CDIN1: variants seen among roughly 807,000 people sequenced by gnomAD.
The protein encoded by CDIN1 is CDAN1-interacting nuclease 1.
Under a neutral mutation model 45.3 loss-of-function variants are expected in CDIN1, and 33 were observed. The observed-to-expected ratio is 0.73, with a 90% CI of 0.55 to 0.97. The LOEUF (loss-of-function observed/expected upper bound fraction) is 0.97. CDIN1 is among the 50% of genes least tolerant of loss of function. CDIN1 has a pLI of 0.00. For synonymous variants in CDIN1, 118 were observed against 124.4 expected, an observed-to-expected ratio of 0.95 and a Z score of 0.34; for missense variants, 303 against 339.4, an observed-to-expected ratio of 0.89 and a Z score of 0.84.
At chr15:36,716,243 A>G (rs7179438) in intron 10 of CDIN1, among the ~76,000 whole-genome samples, 151,504 of 152,252 alleles carry the variant, frequency 1, 75,384 homozygotes, top group Middle Eastern at 1. Flanking sequence ...TTGTTGAGAG[A>G]ATGACTTCGT....
chr15:36,768,918 T>A (rs966925858), intron 10 of CDIN1, among the ~76,000 whole-genome samples: 1 of 152,168 alleles, frequency 6.6e-6, no homozygotes, highest in Non-Finnish European at 1.5e-5. Flanking sequence ...AAAGACCCAG[T>A]TGTCATTTGT....
intron 5 of CDIN1, among the ~76,000 whole-genome samples, chr15:36,679,354 C>T (rs902898505): frequency 6.6e-6 from 1 of 152,194 alleles, no homozygotes; most frequent in Non-Finnish European, 1.5e-5. Flanking sequence ...AGCCCAAGTT[C>T]ATAACAGTGT....
chr15:36,743,837 C>A (rs1007041719), intron 10 of CDIN1, among the ~76,000 whole-genome samples: 8 of 151,834 alleles, frequency 5.3e-5, no homozygotes, highest in African/African-American at 1.7e-4. Flanking sequence ...TGCAGTAAAT[C>A]ATGATCATGC....
At chr15:36,605,699 C>T (rs2038331425) in intron 1 of CDIN1, among the ~76,000 whole-genome samples, 1 of 152,148 alleles carries the variant, frequency 6.6e-6, no homozygotes, top group Admixed American at 6.5e-5. Context: ...ACAGGTGCAG[C>T]TGTGTATACT....
chr15:36,738,511 A>T (rs1319122420), intron 10 of CDIN1, among the ~76,000 whole-genome samples: 2 of 151,780 alleles, frequency 1.3e-5, no homozygotes, highest in Non-Finnish European at 2.9e-5. Flanking sequence ...TTCTGACCTC[A>T]TCTCCTACCA....
intron 10 of CDIN1, among the ~76,000 whole-genome samples, chr15:36,710,186 T>C (rs1220359948): frequency 6.6e-6 from 1 of 152,194 alleles, no homozygotes; most frequent in Admixed American, 6.5e-5. Context: ...AATTAGTATA[T>C]ATTCCATTTT....
At chr15:36,692,862 T>C (rs1026978408) in intron 7 of CDIN1, among the ~76,000 whole-genome samples, 3 of 152,212 alleles carry the variant, frequency 2.0e-5, no homozygotes, top group African/African-American at 7.2e-5. Context: ...AGGACATTAT[T>C]AATCAATAAA....
chr15:36,678,824 C>A (rs916595300), intron 5 of CDIN1, among the ~76,000 whole-genome samples: 1 of 152,344 alleles, frequency 6.6e-6, no homozygotes, highest in Admixed American at 6.5e-5. Context: ...CTTTCGGGAT[C>A]TTGAGAGCGC....
At chr15:36,802,944 CT>C (rs2055098588) in intron 10 of CDIN1, among the ~76,000 whole-genome samples, 1 of 151,980 alleles carries the variant, frequency 6.6e-6, no homozygotes, top group Admixed American at 6.6e-5. Flanking sequence ...CTTTCACTGC[CT>C]TTTTTAAAAC....
chr15:36,776,516 G>A (rs1254323662), intron 10 of CDIN1, among the ~76,000 whole-genome samples: 1 of 152,100 alleles, frequency 6.6e-6, no homozygotes, highest in Non-Finnish European at 1.5e-5. Context: ...GTCACATAGA[G>A]CTAAAAAATA....
chr15:36,603,887 A>G (rs2038228532), intron 1 of CDIN1, among the ~76,000 whole-genome samples: 1 of 152,228 alleles, frequency 6.6e-6, no homozygotes, highest in African/African-American at 2.4e-5. Context: ...ATATTAATAG[A>G]TGCCTTGGTT....
intron 5 of CDIN1, among the ~76,000 whole-genome samples, chr15:36,682,048 G>C (rs1244593410): frequency 6.6e-6 from 1 of 152,088 alleles, no homozygotes; most frequent in Admixed American, 6.6e-5. Flanking sequence ...GTTCTCCAGA[G>C]AAACAGAACC....
At chr15:36,692,264 G>C (rs1481596245) in intron 7 of CDIN1, 89 bp downstream of exon 7, 1 of 1,274,778 alleles carries the variant, frequency 7.8e-7, no homozygotes, top group Non-Finnish European at 1.1e-6. Flanking sequence ...ATAAAGTTCT[G>C]CTTCACAAAA....
At chr15:36,665,389 A>C (rs1220990028) in intron 5 of CDIN1, among the ~76,000 whole-genome samples, 1 of 152,212 alleles carries the variant, frequency 6.6e-6, no homozygotes, top group East Asian at 1.9e-4. Flanking sequence ...GAAATTCAAA[A>C]ATAATCTACC....
chr15:36,617,799 G>C, intron 1 of CDIN1: 1 of 802,984 alleles, frequency 1.2e-6, no homozygotes, highest in South Asian at 1.3e-5. Context: ...AGTAGCAGCT[G>C]GTATATCACT....
intron 5 of CDIN1, among the ~76,000 whole-genome samples, chr15:36,675,673 G>A (rs757128327): frequency 1.7e-4 from 26 of 152,074 alleles, no homozygotes; most frequent in Non-Finnish European, 3.4e-4. Flanking sequence ...GTTAACATCC[G>A]CATCATTTAA....
Position 36,587,989 on chromosome 15 carries a change from T to C in CDIN1, c.101+8028T>C, listed in dbSNP as rs764709226. Reference sequence around the variant, plus strand: ...CTCTCCGTAAGTTTTTAATGAAAAGTAAATATGATTTTTGTTAGAAGGTAG... The same window carrying C: ...CTCTCCGTAAGTTTTTAATGAAAAGCAAATATGATTTTTGTTAGAAGGTAG... On this transcript the variant is annotated intron_variant, in intron 1 of 10. Coordinates refer to ENST00000566621, the MANE Select transcript of CDIN1 (RefSeq NM_001321759.2). Among the ~76,000 whole-genome samples, 107 of 150,044 alleles carry C rather than the reference T, an allele frequency of 7.1e-4. 1 individual carries two copies. The highest frequency in any genetic ancestry group is 1.2e-3 in the Non-Finnish European group (84 of 67,306).
At chr15:36,699,920 T>C (rs2042572946) in intron 8 of CDIN1, among the ~76,000 whole-genome samples, 1 of 152,204 alleles carries the variant, frequency 6.6e-6, no homozygotes, top group South Asian at 2.1e-4. Context: ...CACATAAGTA[T>C]ATTGTATTAA....
At chr15:36,592,658 A>G (rs1235005084) in intron 1 of CDIN1, among the ~76,000 whole-genome samples, 2 of 152,166 alleles carry the variant, frequency 1.3e-5, no homozygotes, top group Non-Finnish European at 2.9e-5. Context: ...AGCTGGAATT[A>G]TAGTCTTGGG....
Sources: allele counts gnomAD v4.1 joint callset (sites outside exome capture counted in the v4.1 genomes callset), GRCh38; gene constraint gnomAD v4.1.1; transcripts MANE v1.5; gene names NCBI Gene and HGNC (gene_info 2026-07-23, HGNC 2026-07-21).